The following MCTP1 variants were observed in gnomAD, a reference collection of about 807,000 sequenced individuals.
MCTP1 encodes the protein multiple C2 and transmembrane domain containing 1, also known as multiple C2 and transmembrane domain-containing protein 1.
Under a neutral mutation model 120.6 loss-of-function variants are expected in MCTP1, and 69 were observed. The observed-to-expected ratio is 0.57, with a 90% CI of 0.47 to 0.70. The LOEUF is 0.70. Ranked by LOEUF, MCTP1 falls within the 30% of genes least tolerant of loss-of-function variation. The pLI is 0.00. For missense variants in MCTP1, 1,203 were observed against 1,248.8 expected, an observed-to-expected ratio of 0.96 and a Z score of 0.55; for synonymous variants, 529 against 493.1, an observed-to-expected ratio of 1.07 and a Z score of -0.96.
At chr5:94,731,401 A>G (rs1018870294) in intron 19 of MCTP1, among the ~76,000 whole-genome samples, 1 of 152,184 alleles carries the variant, frequency 6.6e-6, no homozygotes, top group Non-Finnish European at 1.5e-5. Context: ...TGTTTAGACT[A>G]CTGCCTAGTA....
At chr5:94,883,198 T>C (rs1160843445) in intron 12 of MCTP1, among the ~76,000 whole-genome samples, 2 of 152,202 alleles carry the variant, frequency 1.3e-5, no homozygotes, top group Non-Finnish European at 2.9e-5. Context: ...ACATTTATCA[T>C]GTACATGTAT....
rs553384666 is a variant in MCTP1, at chr5:94,989,086, T to A, written c.838+28281A>T. Among the ~76,000 whole-genome samples, 71 of 152,176 alleles carry A rather than the reference T, an allele frequency of 4.7e-4. No homozygotes were observed. The Middle Eastern group carries it at 0.01, about 22-fold the overall frequency. ...ATATCAAAGAGTATTTTCATTTTTT[T>A]AAAAAAACAAAATTATTTTTAATTT... On this transcript the variant is annotated intron_variant, in intron 2 of 22. Transcript: ENST00000515393.
intron 1 of MCTP1, among the ~76,000 whole-genome samples, chr5:95,206,211 A>C (rs1488920954): frequency 2.6e-5 from 4 of 152,236 alleles, no homozygotes; most frequent in Non-Finnish European, 5.9e-5. Context: ...TGAAGTACTA[A>C]TACATGTTAT....
In MCTP1 at chr5:94,798,999, G is replaced by A; in HGVS notation, c.2556+14C>T. On this transcript the variant is annotated intron_variant, in intron 18 of 22. Coordinates refer to ENST00000515393, the MANE Select transcript of MCTP1 (RefSeq NM_024717.7). ...AGAACAAAAACACATACAAGTAAGA[G>A]AGTAGAGACTTACTGTATCACGTTG... The A allele has an allele frequency of 6.2e-7, 1 of 1,607,098 alleles. No homozygotes were observed. The highest frequency in any genetic ancestry group is 1.3e-5 in the African/African-American group (1 of 74,644).
chr5:94,775,436 A>C (rs1050203182), intron 19 of MCTP1, among the ~76,000 whole-genome samples: 1 of 152,150 alleles, frequency 6.6e-6, no homozygotes, highest in African/African-American at 2.4e-5. Context: ...GGTGAAAAAC[A>C]CCATTATATG....
intron 6 of MCTP1, 50 bp downstream of exon 6, chr5:94,931,903 G>T (rs749449877): frequency 2.2e-6 from 3 of 1,368,300 alleles, no homozygotes; most frequent in South Asian, 1.2e-5. Flanking sequence ...GAAAGCAGAT[G>T]ATAGTTCTGC....
chr5:94,987,298 A>G (rs548059696), intron 2 of MCTP1, among the ~76,000 whole-genome samples: 2 of 152,154 alleles, frequency 1.3e-5, no homozygotes, highest in African/African-American at 2.4e-5. Context: ...TATTATTATA[A>G]GCATGGGGCT....
chr5:94,782,984 T>C (rs1250337817), intron 18 of MCTP1, among the ~76,000 whole-genome samples: 1 of 152,100 alleles, frequency 6.6e-6, no homozygotes, highest in Non-Finnish European at 1.5e-5. Context: ...GCAAGTAGTA[T>C]TAATCAAACA....
chr5:95,134,508 G>T (rs145270559), intron 1 of MCTP1, among the ~76,000 whole-genome samples: 1 of 152,180 alleles, frequency 6.6e-6, no homozygotes, highest in Non-Finnish European at 1.5e-5. Flanking sequence ...TCAGTCACTC[G>T]TGCAGCTGCA....
Position 94,923,959 on chromosome 5 carries a change from T to G in MCTP1, c.1272+3A>C. 1 of 1,516,304 alleles carries G rather than the reference T, an allele frequency of 6.6e-7. No homozygotes were observed. Among genetic ancestry groups the G allele is most frequent in the Non-Finnish European group, 8.8e-7 (1 of 1,133,732 alleles). 93.9% of individuals were successfully genotyped at this position (1,516,304 alleles called of 1,614,324 possible). ...ATATTAACAAAAAGGATTTAGACAT[T>G]ACCCTCCAAAAGAGAGACTTCACAG... On this transcript the variant is annotated splice_donor_region_variant and intron_variant, in intron 7 of 22. Transcript: ENST00000515393.
chr5:95,003,152 A>G (rs1834054116), intron 2 of MCTP1, among the ~76,000 whole-genome samples: 1 of 152,216 alleles, frequency 6.6e-6, no homozygotes, highest in South Asian at 2.1e-4. Flanking sequence ...CAGAACTGTG[A>G]GTTAATTAAA....
At chr5:94,876,142 G>A (rs1798826907) in intron 12 of MCTP1, among the ~76,000 whole-genome samples, 1 of 152,084 alleles carries the variant, frequency 6.6e-6, no homozygotes, top group Non-Finnish European at 1.5e-5. Context: ...TGCTTATCTG[G>A]TTTGCTAAAT....
intron 1 of MCTP1, among the ~76,000 whole-genome samples, chr5:95,171,671 C>T (rs927333545): frequency 2.6e-5 from 4 of 152,178 alleles, no homozygotes; most frequent in South Asian, 2.1e-4. Flanking sequence ...GATCTTCCAT[C>T]GCTGGTACCC....
chr5:95,155,137 A>C (rs1298357648), intron 1 of MCTP1, among the ~76,000 whole-genome samples: 2 of 152,210 alleles, frequency 1.3e-5, no homozygotes, highest in Admixed American at 1.3e-4. Context: ...AATATTAGCT[A>C]TTTAGAGCTC....
At chr5:95,205,626 TTACACACAA>T (rs983893294) in intron 1 of MCTP1, among the ~76,000 whole-genome samples, 1 of 152,064 alleles carries the variant, frequency 6.6e-6, no homozygotes, top group Non-Finnish European at 1.5e-5. Context: ...TAAAGAACTT[TTACACACAA>T]TACACACAAT....
chr5:95,246,724 C>A (rs947798206), intron 1 of MCTP1, among the ~76,000 whole-genome samples: 1 of 152,162 alleles, frequency 6.6e-6, no homozygotes, highest in Non-Finnish European at 1.5e-5. Flanking sequence ...CAGACTTTAA[C>A]ACCCCACTGT....
At chr5:95,051,100 C>T (rs1266897667) in intron 1 of MCTP1, among the ~76,000 whole-genome samples, 1 of 152,176 alleles carries the variant, frequency 6.6e-6, no homozygotes, top group African/African-American at 2.4e-5. Flanking sequence ...TAAATTTCTG[C>T]TGTTTAAACC....
chr5:95,166,589 G>A (rs796141846), intron 1 of MCTP1, among the ~76,000 whole-genome samples: 50 of 110,010 alleles, frequency 4.5e-4, no homozygotes, highest in African/African-American at 1.8e-3. Flanking sequence ...TTTTTTTTGA[G>A]ATGGAGTCTC....
At chr5:94,882,078 C>A (rs1800215301) in intron 12 of MCTP1, among the ~76,000 whole-genome samples, 1 of 152,240 alleles carries the variant, frequency 6.6e-6, no homozygotes, top group Admixed American at 6.5e-5. Flanking sequence ...AGCAAGATAT[C>A]ACAGTTTAGT....
Sources: gnomAD v4.1 joint callset for allele counts (sites outside exome capture counted in the v4.1 genomes callset) on GRCh38, gnomAD v4.1.1 for gene constraint, MANE v1.5 for transcripts, NCBI Gene and HGNC (gene_info 2026-07-23, HGNC 2026-07-21) for gene names.